Variants in SOX5 observed in about 807,000 individuals in gnomAD.
SOX5 encodes transcription factor SOX-5.
SOX5 carries 9 observed loss-of-function variants against 92.0 expected under a neutral mutation model. The observed-to-expected ratio is 0.10, with a 90% CI of 0.06 to 0.17. The LOEUF is 0.17. Ranked by LOEUF, SOX5 falls within the 10% of genes least tolerant of loss-of-function variation. SOX5 has a pLI of 1.00. For missense variants in SOX5, 642 were observed against 944.5 expected (o/e 0.68, Z 4.20); for synonymous variants, 344 against 336.3 (o/e 1.02, Z -0.25).
chr12:24,033,606 G>A (rs1955725713), intron 4 of SOX5, among the ~76,000 whole-genome samples: 1 of 151,976 alleles, frequency 6.6e-6, no homozygotes, highest in Non-Finnish European at 1.5e-5. Flanking sequence ...TACATCTACT[G>A]ACGTAGACTT....
intron 8 of SOX5, among the ~76,000 whole-genome samples, chr12:23,608,384 G>T (rs1474076506): frequency 6.6e-6 from 1 of 152,026 alleles, no homozygotes; most frequent in Non-Finnish European, 1.5e-5. Context: ...AGTTTTTAAG[G>T]AAACAATTAC....
intron 2 of SOX5, among the ~76,000 whole-genome samples, chr12:24,277,670 A>G (rs1944659809): frequency 6.6e-6 from 1 of 151,392 alleles, no homozygotes; most frequent in African/African-American, 2.4e-5. Flanking sequence ...AGCCACCACA[A>G]TTAATCTAAA....
At chr12:24,289,270 G>A in intron 2 of SOX5, among the ~76,000 whole-genome samples, 1 of 133,514 alleles carries the variant, frequency 7.5e-6, no homozygotes, top group Non-Finnish European at 1.7e-5. Flanking sequence ...GACACGGTGA[G>A]AACCTGTCTC....
chr12:23,573,432 C>A (rs1023847171), intron 10 of SOX5, among the ~76,000 whole-genome samples: 2 of 152,178 alleles, frequency 1.3e-5, no homozygotes, highest in African/African-American at 4.8e-5. Flanking sequence ...AATTGTCCTG[C>A]AGAAGGTGCA....
intron 9 of SOX5, among the ~76,000 whole-genome samples, chr12:23,577,963 T>C (rs1021650400): frequency 2.7e-5 from 4 of 150,444 alleles, no homozygotes; most frequent in African/African-American, 9.8e-5. Flanking sequence ...CTACTAAAAA[T>C]ACAAAAAATT....
intron 1 of SOX5, among the ~76,000 whole-genome samples, chr12:24,442,108 T>C (rs537520262): frequency 1.3e-5 from 2 of 152,342 alleles, no homozygotes; most frequent in South Asian, 4.1e-4. Flanking sequence ...GTAAATACTT[T>C]ATAGACACTT....
chr12:24,052,177 C>T (rs1353132576), intron 4 of SOX5, among the ~76,000 whole-genome samples: 9 of 152,088 alleles, frequency 5.9e-5, no homozygotes, highest in Non-Finnish European at 8.8e-5. Flanking sequence ...TACCATTTGG[C>T]CCCTTGTTTC....
intron 1 of SOX5, among the ~76,000 whole-genome samples, chr12:24,372,254 A>G (rs1475616859): frequency 6.6e-6 from 1 of 152,024 alleles, no homozygotes; most frequent in Non-Finnish European, 1.5e-5. Flanking sequence ...CATCTACATT[A>G]GGTATTTCTC....
Position 23,741,641 on chromosome 12 carries a change from C to G in SOX5, c.569-602G>C, listed in dbSNP as rs143722287. ...TAAAAGAGAGCAAACATCTATCTAG[C>G]CAATCAAGTTTTAGAGCGTATTCCC... On this transcript the variant is annotated intron_variant, in intron 4 of 14. Coordinates refer to ENST00000451604, the MANE Select transcript of SOX5 (RefSeq NM_006940.6). Among the ~76,000 whole-genome samples, 36 of 152,208 alleles carry G rather than the reference C, an allele frequency of 2.4e-4. 1 individual carries two copies. In the East Asian group the frequency reaches 6.0e-3, roughly 25 times the overall value.
intron 2 of SOX5, among the ~76,000 whole-genome samples, chr12:24,282,632 G>A (rs1224115400): frequency 1.3e-5 from 2 of 151,832 alleles, no homozygotes; most frequent in Admixed American, 1.3e-4. Context: ...AGATTTTTTA[G>A]TGTTATTTAC....
At chr12:24,154,375 G>A (rs1043111648) in intron 4 of SOX5, among the ~76,000 whole-genome samples, 3 of 152,226 alleles carry the variant, frequency 2.0e-5, no homozygotes, top group East Asian at 1.9e-4. Context: ...AGAAGGTTCT[G>A]GTTGGCAGGA....
At chr12:23,843,006 T>A (rs992174595) in intron 3 of SOX5, among the ~76,000 whole-genome samples, 1 of 152,128 alleles carries the variant, frequency 6.6e-6, no homozygotes, top group Non-Finnish European at 1.5e-5. Flanking sequence ...CTTAATTACA[T>A]AGAAAGTATG....
chr12:23,772,489 T>C (rs2094964970), intron 3 of SOX5, among the ~76,000 whole-genome samples: 1 of 152,222 alleles, frequency 6.6e-6, no homozygotes, highest in African/African-American at 2.4e-5. Context: ...GTCTTTTGTT[T>C]ATCTGTAATT....
At chr12:24,437,485 C>G (rs1596620658) in intron 1 of SOX5, among the ~76,000 whole-genome samples, 1 of 152,228 alleles carries the variant, frequency 6.6e-6, no homozygotes, top group Admixed American at 6.5e-5. Flanking sequence ...TCTAATTAAA[C>G]TAAAAAGCTT....
At chr12:23,989,389 T>TATCA (rs3031090) in intron 4 of SOX5, among the ~76,000 whole-genome samples, 22,822 of 151,120 alleles carry the variant, frequency 0.15, 2,569 homozygotes, top group East Asian at 0.59. Context: ...TGAGACCTCA[T>TATCA]ATCAATCAAT....
chr12:24,224,269 C>T (rs1961319173), intron 3 of SOX5, among the ~76,000 whole-genome samples: 1 of 152,048 alleles, frequency 6.6e-6, no homozygotes, highest in South Asian at 2.1e-4. Context: ...ACAACTAAAG[C>T]AATTTTGATT....
At chr12:24,032,552 G>T (rs1417850290) in intron 4 of SOX5, among the ~76,000 whole-genome samples, 1 of 151,802 alleles carries the variant, frequency 6.6e-6, no homozygotes, top group Non-Finnish European at 1.5e-5. Context: ...AGCAAATTTT[G>T]TATGAAGAAT....
intron 3 of SOX5, among the ~76,000 whole-genome samples, chr12:24,252,417 G>A (rs575423811): frequency 2.0e-5 from 3 of 152,050 alleles, no homozygotes; most frequent in Admixed American, 2.0e-4. Context: ...GTAGCCTTAA[G>A]CACATGTAAC....
chr12:24,239,053 C>T (rs191306022), intron 3 of SOX5, among the ~76,000 whole-genome samples: 70 of 152,314 alleles, frequency 4.6e-4, no homozygotes, highest in Admixed American at 4.2e-3. Flanking sequence ...AGAAATACCA[C>T]ATTTTGGTCA....
Sources: allele counts gnomAD v4.1 joint callset (sites outside exome capture counted in the v4.1 genomes callset), GRCh38; gene constraint gnomAD v4.1.1; transcripts MANE v1.5; gene names NCBI Gene and HGNC (gene_info 2026-07-23, HGNC 2026-07-21).